The following MGAT4C variants were observed in gnomAD, a reference collection of about 807,000 sequenced individuals.
The protein encoded by MGAT4C is alpha-1,3-mannosyl-glycoprotein 4-beta-N-acetylglucosaminyltransferase C.
A neutral mutation model predicts 40.1 loss-of-function variants in MGAT4C; 19 were observed. That is an observed-to-expected ratio of 0.47 (90% CI 0.33 to 0.70). The LOEUF is 0.70. MGAT4C is among the 30% of genes least tolerant of loss of function. The pLI is 0.02. For synonymous variants in MGAT4C, 181 were observed against 187.1 expected (o/e 0.97, Z 0.27); for missense variants, 491 against 563.2 (o/e 0.87, Z 1.30).
intron 2 of MGAT4C, among the ~76,000 whole-genome samples, chr12:86,003,151 A>G (rs1378846491): frequency 3.3e-5 from 5 of 152,148 alleles, no homozygotes; most frequent in African/African-American, 4.8e-5. Context: ...GTGTGCTTAT[A>G]TAAGGTAAAT....
At chr12:86,201,520 A>C (rs1950049648) in intron 1 of MGAT4C, among the ~76,000 whole-genome samples, 5 of 149,622 alleles carry the variant, frequency 3.3e-5, no homozygotes, top group Non-Finnish European at 7.4e-5. Context: ...CTTTTATATT[A>C]AATTTAAAAT....
intron 3 of MGAT4C, among the ~76,000 whole-genome samples, chr12:86,342,813 T>C (rs1382997482): frequency 6.6e-6 from 1 of 152,200 alleles, no homozygotes; most frequent in Non-Finnish European, 1.5e-5. Context: ...TTGATGAATG[T>C]AACTTGGCAG....
chr12:86,836,199 A>C (rs1480162922), intron 1 of MGAT4C, among the ~76,000 whole-genome samples: 2 of 152,028 alleles, frequency 1.3e-5, no homozygotes. Context: ...AATATAGTTA[A>C]AGGAGAATTT....
chr12:86,199,930 A>G (rs839159), intron 1 of MGAT4C, among the ~76,000 whole-genome samples: 102,699 of 151,804 alleles, frequency 0.68, 35,050 homozygotes, highest in South Asian at 0.75. Flanking sequence ...ATTAAGATGA[A>G]TTTTGACACA....
At chr12:86,485,593 C>A (rs1958006919) in intron 2 of MGAT4C, among the ~76,000 whole-genome samples, 1 of 152,068 alleles carries the variant, frequency 6.6e-6, no homozygotes, top group South Asian at 2.1e-4. Context: ...TAAAGAAATA[C>A]AACATTTTAC....
chr12:86,179,937 ACAG>A (rs899947091), intron 1 of MGAT4C, among the ~76,000 whole-genome samples: 4 of 152,222 alleles, frequency 2.6e-5, no homozygotes, highest in African/African-American at 9.6e-5. Context: ...TTAATCCCCA[ACAG>A]CATGGGGAAA....
chr12:86,733,662 G>C (rs1950944921), intron 1 of MGAT4C, among the ~76,000 whole-genome samples: 1 of 152,074 alleles, frequency 6.6e-6, no homozygotes, highest in South Asian at 2.1e-4. Flanking sequence ...CTGATTCCCA[G>C]ATGCCTCACC....
At chr12:86,522,050 C>T (rs979815752) in intron 2 of MGAT4C, among the ~76,000 whole-genome samples, 2 of 151,932 alleles carry the variant, frequency 1.3e-5, no homozygotes, top group African/African-American at 2.4e-5. Context: ...ATCTGCAAAC[C>T]GGGATAGTTT....
chr12:86,453,731 C>A (rs1592866402), intron 2 of MGAT4C, among the ~76,000 whole-genome samples: 2 of 152,080 alleles, frequency 1.3e-5, no homozygotes, highest in South Asian at 4.1e-4. Flanking sequence ...GGGAATTTGG[C>A]AGCAATAATA....
chr12:86,246,286 C>T (rs1952024738), intron 1 of MGAT4C, among the ~76,000 whole-genome samples: 2 of 150,418 alleles, frequency 1.3e-5, no homozygotes, highest in African/African-American at 2.4e-5. Flanking sequence ...CCTGGGTTCA[C>T]GCCATTCTCC....
intron 2 of MGAT4C, among the ~76,000 whole-genome samples, chr12:86,565,838 C>T (rs1333082681): frequency 1.3e-5 from 2 of 152,150 alleles, no homozygotes; most frequent in African/African-American, 2.4e-5. Context: ...TCCCAGCCAC[C>T]CTTGTCATTG....
intron 3 of MGAT4C, among the ~76,000 whole-genome samples, chr12:86,405,208 C>T (rs1255666262): frequency 1.3e-5 from 2 of 152,086 alleles, no homozygotes; most frequent in East Asian, 3.9e-4. Flanking sequence ...AGAAATAAAA[C>T]TGTTCCTACT....
intron 2 of MGAT4C, among the ~76,000 whole-genome samples, chr12:86,547,921 T>A (rs950514557): frequency 6.6e-6 from 1 of 152,140 alleles, no homozygotes; most frequent in African/African-American, 2.4e-5. Context: ...AACACTTTGG[T>A]TGGCTTTTTC....
chr12:86,359,471 A>G (rs1955403084), intron 3 of MGAT4C, among the ~76,000 whole-genome samples: 1 of 152,126 alleles, frequency 6.6e-6, no homozygotes, highest in South Asian at 2.1e-4. Flanking sequence ...AGAAATAACT[A>G]AGATTAGAGA....
At chr12:86,505,822 C>T (rs1411441508) in intron 2 of MGAT4C, among the ~76,000 whole-genome samples, 1 of 152,088 alleles carries the variant, frequency 6.6e-6, no homozygotes. Context: ...ATCTCCAACA[C>T]CTTTACAGAC....
intron 3 of MGAT4C, among the ~76,000 whole-genome samples, chr12:86,428,324 G>A (rs79731684): frequency 0.014 from 2,081 of 152,192 alleles, 39 homozygotes; most frequent in African/African-American, 0.048. Context: ...TCTGATCCTC[G>A]TGTACTCATT....
intron 1 of MGAT4C, among the ~76,000 whole-genome samples, chr12:86,254,741 C>CTGTATA (rs2136084509): frequency 6.6e-6 from 1 of 152,122 alleles, no homozygotes; most frequent in East Asian, 1.9e-4. Context: ...AAAAAATTGA[C>CTGTATA]TCTAGATGTA....
intron 3 of MGAT4C, among the ~76,000 whole-genome samples, chr12:86,367,392 C>A (rs1955619545): frequency 6.6e-6 from 1 of 152,212 alleles, no homozygotes; most frequent in East Asian, 1.9e-4. Context: ...AGTATGCCAG[C>A]AGCTGCAGGA....
intron 2 of MGAT4C, among the ~76,000 whole-genome samples, chr12:86,461,158 A>ATT (rs1171066664): frequency 6.6e-6 from 1 of 151,828 alleles, no homozygotes; most frequent in African/African-American, 2.4e-5. Flanking sequence ...TACTTTATAT[A>ATT]TTTTTAATTA....
Sources: allele counts gnomAD v4.1 joint callset (sites outside exome capture counted in the v4.1 genomes callset), GRCh38; gene constraint gnomAD v4.1.1; transcripts MANE v1.5; gene names NCBI Gene and HGNC (gene_info 2026-07-23, HGNC 2026-07-21).